Variants in TTLL11 observed in about 807,000 individuals in gnomAD.
TTLL11 encodes tubulin tyrosine ligase like 11.
TTLL11 carries 42 observed loss-of-function variants against 51.7 expected under a neutral mutation model. The observed-to-expected ratio is 0.81, with a 90% CI of 0.64 to 1.05. The LOEUF (loss-of-function observed/expected upper bound fraction) is 1.05, where lower values mean the gene tolerates loss of function less well. Among genes scored for constraint, TTLL11 ranks in the 50% least tolerant of loss-of-function variants. The pLI, the probability that TTLL11 is intolerant of heterozygous loss-of-function variation, is 0.00. For missense variants in TTLL11, 799 were observed against 940.4 expected, an observed-to-expected ratio of 0.85 and a Z score of 1.97; for synonymous variants, 381 against 383.5, an observed-to-expected ratio of 0.99 and a Z score of 0.08.
intron 1 of TTLL11, among the ~76,000 whole-genome samples, chr9:122,092,344 T>C (rs2131951629): frequency 6.6e-6 from 1 of 151,982 alleles, no homozygotes; most frequent in Admixed American, 6.5e-5. Context: ...AGAGAGCGGG[T>C]CCGGGGCCCC....
chr9:122,038,258 G>A (rs1290977000), intron 2 of TTLL11, among the ~76,000 whole-genome samples: 1 of 152,074 alleles, frequency 6.6e-6, no homozygotes, highest in Non-Finnish European at 1.5e-5. Flanking sequence ...ATAAGTGGAA[G>A]GCCCTTTGAC....
chr9:122,044,090 C>T (rs557020202), intron 1 of TTLL11, among the ~76,000 whole-genome samples: 39 of 152,160 alleles, frequency 2.6e-4, no homozygotes, highest in African/African-American at 8.9e-4. Flanking sequence ...TTCCCACCTA[C>T]GAGTGAGAAC....
At chr9:121,862,667 G>A (rs1049754210) in intron 7 of TTLL11, among the ~76,000 whole-genome samples, 3 of 152,208 alleles carry the variant, frequency 2.0e-5, no homozygotes, top group Non-Finnish European at 4.4e-5. Flanking sequence ...GGACAGGATC[G>A]TGCTGGGAGG....
intron 6 of TTLL11, among the ~76,000 whole-genome samples, chr9:121,911,438 A>T (rs1448480058): frequency 1.3e-5 from 2 of 152,206 alleles, no homozygotes; most frequent in Non-Finnish European, 1.5e-5. Context: ...ATTACTGGGT[A>T]TATACCCTAA....
intron 8 of TTLL11, among the ~76,000 whole-genome samples, chr9:121,848,328 C>T (rs1354031592): frequency 3.9e-5 from 6 of 152,092 alleles, no homozygotes; most frequent in Non-Finnish European, 1.5e-5. Flanking sequence ...AAATTAGACG[C>T]TTGCCTCTTA....
At chr9:121,870,891 C>A (rs776902740) in intron 6 of TTLL11, 143 bp from the exon 7 acceptor site, 8 of 949,562 alleles carry the variant, frequency 8.4e-6, no homozygotes, top group Non-Finnish European at 1.2e-5. Context: ...AAGTGACCTG[C>A]CCAAGCTCAC....
At chr9:122,027,065 T>A (rs776600207) in intron 3 of TTLL11, among the ~76,000 whole-genome samples, 3 of 152,194 alleles carry the variant, frequency 2.0e-5, no homozygotes, top group African/African-American at 4.8e-5. Flanking sequence ...GGCACCTGCT[T>A]GGCTTCTGGG....
intron 3 of TTLL11, among the ~76,000 whole-genome samples, chr9:122,003,779 C>T (rs112835407): frequency 0.026 from 3,981 of 151,118 alleles, 176 homozygotes; most frequent in African/African-American, 0.092. Context: ...GCCACCGCAC[C>T]CAGCTGCATA....
chr9:121,841,628 T>C (rs1006681284), intron 8 of TTLL11, among the ~76,000 whole-genome samples: 7 of 152,076 alleles, frequency 4.6e-5, no homozygotes, highest in Non-Finnish European at 8.8e-5. Context: ...ATCTTTGCCC[T>C]GAGTCACGTG....
At chr9:121,969,092 A>T (rs1237431221) in intron 6 of TTLL11, among the ~76,000 whole-genome samples, 1 of 151,142 alleles carries the variant, frequency 6.6e-6, no homozygotes, top group Non-Finnish European at 1.5e-5. Flanking sequence ...CTGGTCTTGA[A>T]CTCCTGACCT....
At chr9:122,023,899 A>G (rs557823589) in intron 3 of TTLL11, among the ~76,000 whole-genome samples, 8 of 152,258 alleles carry the variant, frequency 5.3e-5, no homozygotes, top group African/African-American at 1.9e-4. Flanking sequence ...GATCAGGAAA[A>G]AGTCCCGGAC....
intron 1 of TTLL11, among the ~76,000 whole-genome samples, chr9:122,073,085 C>T (rs914642006): frequency 7.9e-5 from 12 of 152,154 alleles, no homozygotes; most frequent in African/African-American, 2.7e-4. Flanking sequence ...ATGAACAAGA[C>T]AGATGTGGCC....
At chr9:121,920,686 G>A (rs533983082) in intron 6 of TTLL11, among the ~76,000 whole-genome samples, 1 of 152,304 alleles carries the variant, frequency 6.6e-6, no homozygotes, top group South Asian at 2.1e-4. Context: ...TGTGGGCAAG[G>A]CCAAGATTCA....
At chr9:121,846,899 A>G (rs1837529986) in intron 8 of TTLL11, among the ~76,000 whole-genome samples, 2 of 152,182 alleles carry the variant, frequency 1.3e-5, no homozygotes, top group African/African-American at 4.8e-5. Context: ...AACAAACAGA[A>G]AGAAAGAAAT....
At chr9:121,936,250 CTTCT>C (rs1373713714) in intron 6 of TTLL11, among the ~76,000 whole-genome samples, 5 of 145,198 alleles carry the variant, frequency 3.4e-5, no homozygotes, top group Non-Finnish European at 7.5e-5. Context: ...AGACCTCTTT[CTTCT>C]TTCTTTCTTT....
chr9:122,029,840 C>A (rs1844474817), intron 3 of TTLL11, among the ~76,000 whole-genome samples: 1 of 152,152 alleles, frequency 6.6e-6, no homozygotes, highest in Admixed American at 6.5e-5. Context: ...CCTGCAAGCT[C>A]CATTCATGGG....
At chr9:121,994,122 T>C (rs537994310) in intron 3 of TTLL11, among the ~76,000 whole-genome samples, 1 of 152,176 alleles carries the variant, frequency 6.6e-6, no homozygotes, top group South Asian at 2.1e-4. Flanking sequence ...TGCAGTGAGG[T>C]CACCTAGGGC....
rs374157399 is a variant in TTLL11, at chr9:122,092,670, G to C, written c.462+17C>G. The stretch of plus-strand genomic sequence containing the variant: ...CACCCCACTGTGCCCACGCGGCCGG[G>C]TCGGGCCGGGCCTCACCTCCTTCCA... On this transcript the variant is annotated intron_variant, in intron 1 of 8. Transcript: ENST00000321582. 16 of 1,536,290 alleles carry C rather than the reference G, an allele frequency of 1.0e-5. No individual in the cohort carries two copies. Among genetic ancestry groups the C allele is most frequent in the Non-Finnish European group, 1.3e-5 (15 of 1,146,712 alleles).
At chr9:122,092,152 T>C (rs143028818) in intron 1 of TTLL11, among the ~76,000 whole-genome samples, 1 of 152,130 alleles carries the variant, frequency 6.6e-6, no homozygotes. Flanking sequence ...ATAAGTATAA[T>C]TGGCCTCACT....
Sources: gnomAD v4.1 joint callset for allele counts (sites outside exome capture counted in the v4.1 genomes callset) on GRCh38, gnomAD v4.1.1 for gene constraint, MANE v1.5 for transcripts, NCBI Gene and HGNC (gene_info 2026-07-23, HGNC 2026-07-21) for gene names.